Variants in STAU2 observed in about 807,000 individuals in gnomAD.
STAU2 encodes the protein staufen double-stranded RNA binding protein 2.
In STAU2, 20 loss-of-function variants were observed where a neutral mutation model predicts 65.9. The observed-to-expected ratio is 0.30, with a 90% CI of 0.21 to 0.44. STAU2 has a LOEUF of 0.44. STAU2 is among the 20% of genes least tolerant of loss of function. The pLI, the probability that STAU2 is intolerant of heterozygous loss-of-function variation, is 1.00. For synonymous variants in STAU2, 232 were observed against 233.9 expected (o/e 0.99, Z 0.07); for missense variants, 558 against 683.9 (o/e 0.82, Z 2.05).
At chr8:73,461,093 C>T (rs1277380951) in intron 13 of STAU2, among the ~76,000 whole-genome samples, 3 of 152,186 alleles carry the variant, frequency 2.0e-5, no homozygotes, top group African/African-American at 7.2e-5. Context: ...GCTGTAGAGT[C>T]AGACCAACCT....
At chr8:73,424,060 C>A (rs146204680) in intron 13 of STAU2, among the ~76,000 whole-genome samples, 10 of 151,928 alleles carry the variant, frequency 6.6e-5, no homozygotes, top group Middle Eastern at 3.4e-3. Context: ...CACCTCCCCC[C>A]ACCCCCACCA....
chr8:73,713,119 A>C (rs1401441164), intron 3 of STAU2, among the ~76,000 whole-genome samples: 2 of 152,226 alleles, frequency 1.3e-5, no homozygotes, highest in Non-Finnish European at 2.9e-5. Context: ...CTGATACGAA[A>C]CTTGGTTAGA....
chr8:73,616,676 T>C (rs985907547), intron 7 of STAU2, among the ~76,000 whole-genome samples: 26 of 152,064 alleles, frequency 1.7e-4, no homozygotes, highest in African/African-American at 5.6e-4. Context: ...CATGAGCCTA[T>C]GGTCCCAGCT....
At chr8:73,509,444 T>A (rs1563393237) in intron 13 of STAU2, among the ~76,000 whole-genome samples, 1 of 152,160 alleles carries the variant, frequency 6.6e-6, no homozygotes, top group African/African-American at 2.4e-5. Flanking sequence ...TGTGGCTTTT[T>A]AAAAAACATT....
chr8:73,456,703 C>A (rs1819092197), intron 13 of STAU2, among the ~76,000 whole-genome samples: 1 of 152,178 alleles, frequency 6.6e-6, no homozygotes, highest in African/African-American at 2.4e-5. Flanking sequence ...ATGTGGGTTA[C>A]TGGAGCTGAT....
chr8:73,696,352 A>G (rs1387047830), intron 4 of STAU2, among the ~76,000 whole-genome samples: 3 of 152,196 alleles, frequency 2.0e-5, no homozygotes, highest in Admixed American at 6.5e-5. Context: ...AACCATCGAC[A>G]CCATTCAGGA....
At chr8:73,641,531 A>G (rs1436993767) in intron 6 of STAU2, among the ~76,000 whole-genome samples, 1 of 152,236 alleles carries the variant, frequency 6.6e-6, no homozygotes, top group East Asian at 1.9e-4. Flanking sequence ...CATGTCAGCC[A>G]GCATTTCCTA....
At chr8:73,604,196 A>G (rs892336156) in intron 9 of STAU2, among the ~76,000 whole-genome samples, 1 of 152,116 alleles carries the variant, frequency 6.6e-6, no homozygotes, top group African/African-American at 2.4e-5. Context: ...ATGAACTGGG[A>G]GGAGATCTCT....
chr8:73,683,804 A>G (rs1295996238), intron 5 of STAU2, among the ~76,000 whole-genome samples: 2 of 152,216 alleles, frequency 1.3e-5, no homozygotes, highest in East Asian at 1.9e-4. Flanking sequence ...TAGCTCTGCT[A>G]TACACCAACA....
At chr8:73,620,520 C>CAT (rs1023565235) in intron 6 of STAU2, among the ~76,000 whole-genome samples, 1 of 152,050 alleles carries the variant, frequency 6.6e-6, no homozygotes, top group Non-Finnish European at 1.5e-5. Flanking sequence ...AACACATAAC[C>CAT]ATACTGAAAC....
In STAU2 at chr8:73,673,152, G is replaced by A; in HGVS notation, c.365C>T (p.Pro122Leu). The A allele has an allele frequency of 1.2e-6, 2 of 1,600,776 alleles. No homozygotes were observed. The highest frequency in any genetic ancestry group is 1.7e-5 in the Admixed American group (1 of 58,556). ...AAAGTTGTAATTAGCTCTATAATTT[G>A]GGAATGGCTTTGGATCTAATGGCCT... ...IYRPLDPKPFPNYRANYNFRG... is the reference protein window; with the variant it reads ...IYRPLDPKPFLNYRANYNFRG... Residue 122 changes from proline to leucine, a missense_variant, in exon 6 of 15, where the codon CCA becomes CTA. Transcript: ENST00000524300.
intron 14 of STAU2, 22 bp downstream of exon 14, chr8:73,422,592 T>TA (rs1249080753): frequency 6.7e-7 from 1 of 1,486,968 alleles, no homozygotes; most frequent in Non-Finnish European, 8.9e-7. Flanking sequence ...AGTGTAAGAA[T>TA]ACTGACAGGG....
At chr8:73,466,902 C>T (rs1819686911) in intron 13 of STAU2, among the ~76,000 whole-genome samples, 1 of 152,234 alleles carries the variant, frequency 6.6e-6, no homozygotes, top group Non-Finnish European at 1.5e-5. Flanking sequence ...CTTGGCATGG[C>T]TCTGGTCTAC....
chr8:73,489,082 A>T (rs1261073186), intron 13 of STAU2, among the ~76,000 whole-genome samples: 1 of 151,262 alleles, frequency 6.6e-6, no homozygotes, highest in Non-Finnish European at 1.5e-5. Context: ...AGCAGAAGGA[A>T]TTTTTTTTTC....
chr8:73,696,681 A>C (rs988956771), intron 4 of STAU2, among the ~76,000 whole-genome samples: 18 of 152,220 alleles, frequency 1.2e-4, no homozygotes, highest in Non-Finnish European at 2.5e-4. Flanking sequence ...GAAATTACAC[A>C]GTTAGAAAAG....
chr8:73,587,634 G>A (rs1043023914), intron 11 of STAU2, among the ~76,000 whole-genome samples: 2 of 152,282 alleles, frequency 1.3e-5, no homozygotes, highest in East Asian at 3.9e-4. Flanking sequence ...GTATGTACCA[G>A]AGTTAAACCC....
intron 5 of STAU2, among the ~76,000 whole-genome samples, chr8:73,678,749 C>A (rs1435203531): frequency 6.6e-6 from 1 of 152,124 alleles, no homozygotes; most frequent in Non-Finnish European, 1.5e-5. Context: ...AATGGACAAT[C>A]TTTTAGGAAC....
chr8:73,676,949 T>C lies in STAU2; in HGVS notation c.275-3707A>G, dbSNP rs114256404. On this transcript the variant is annotated intron_variant, in intron 5 of 14. Transcript: ENST00000524300. ...ATGTACCCTTAGGAGTATAGAAAGA[T>C]ATTTGCAATATACATATCTGATAAA... 9.5e-3 allele frequency among the ~76,000 whole-genome samples: 1,451 copies of C among 152,292 alleles called. 17 individuals are homozygous for C. The highest frequency in any genetic ancestry group is 0.032 in the African/African-American group (1,342 of 41,552).
chr8:73,507,816 T>G (rs1351471598), intron 13 of STAU2, among the ~76,000 whole-genome samples: 1 of 152,226 alleles, frequency 6.6e-6, no homozygotes, highest in Admixed American at 6.5e-5. Context: ...CTGGATAACT[T>G]GCTGCAGCTT....
Sources: allele counts gnomAD v4.1 joint callset (sites outside exome capture counted in the v4.1 genomes callset), GRCh38; gene constraint gnomAD v4.1.1; transcripts MANE v1.5; gene names NCBI Gene and HGNC (gene_info 2026-07-23, HGNC 2026-07-21).